TLE3: variants seen among roughly 807,000 people sequenced by gnomAD.
TLE3 encodes the protein TLE family member 3, transcriptional corepressor, also known as transducin-like enhancer protein 3.
Under a neutral mutation model 93.0 loss-of-function variants are expected in TLE3, and 14 were observed. The ratio of observed to expected loss-of-function variants is 0.15; its 90% CI spans 0.10 to 0.24. The LOEUF is 0.24. Among genes scored for constraint, TLE3 ranks in the 10% least tolerant of loss-of-function variants. The probability of loss-of-function intolerance (pLI) is 1.00; values close to 1 mark genes in which losing one functional copy is unlikely to be tolerated. For missense variants in TLE3, 693 were observed against 1,046.6 expected, an observed-to-expected ratio of 0.66 and a Z score of 4.66; for synonymous variants, 451 against 425.0, an observed-to-expected ratio of 1.06 and a Z score of -0.75.
intron 7 of TLE3, among the ~76,000 whole-genome samples, chr15:70,064,819 G>A (rs746420724): frequency 4.4e-4 from 67 of 151,152 alleles, no homozygotes; most frequent in Non-Finnish European, 8.1e-4. Context: ...CTCTTTAGCA[G>A]GCTAGGGGTC....
chr15:70,060,616 C>G lies in TLE3; in HGVS notation c.628G>C (p.Ala210Pro). Residue 210 changes from alanine to proline, a missense_variant, in exon 9 of 20, where the codon GCC becomes CCC. By Grantham distance (27) the Ala-to-Pro change is conservative (BLOSUM62 -1). Transcript: ENST00000451782. ...GCAGAGCCCCGGTGCTTCTCACTGG[C>G]CCGGAGGCTTTCCGAGGGTGACACA... is the stretch of plus-strand genomic sequence containing the variant. The part of the protein sequence containing the change: ...NSVSPSESLR[A>P]SEKHRGSADY... 6.2e-7 allele frequency: 1 copy of G among 1,613,956 alleles called. No individual in the cohort carries two copies. Among genetic ancestry groups the G allele is most frequent in the South Asian group, 1.1e-5 (1 of 91,084 alleles).
At chr15:70,071,233 T>C (rs1011516876) in intron 6 of TLE3, among the ~76,000 whole-genome samples, 3 of 152,174 alleles carry the variant, frequency 2.0e-5, no homozygotes, top group Non-Finnish European at 2.9e-5. Flanking sequence ...CTCCTGTTAA[T>C]TGGATCCAAG....
intron 6 of TLE3, among the ~76,000 whole-genome samples, chr15:70,069,907 C>T (rs1215956737): frequency 2.0e-5 from 3 of 152,258 alleles, no homozygotes; most frequent in African/African-American, 7.2e-5. Flanking sequence ...TGCAACACGT[C>T]TGCTGGCTTC....
At chr15:70,055,488 A>T in intron 14 of TLE3, 190 bp from the exon 15 acceptor site, 1 of 646,430 alleles carries the variant, frequency 1.5e-6, no homozygotes, top group South Asian at 3.6e-5. Context: ...TGATTAACAG[A>T]CCAGCTTTGA....
chr15:70,088,901 G>A (rs1435207181), intron 4 of TLE3, among the ~76,000 whole-genome samples: 6 of 107,934 alleles, frequency 5.6e-5, no homozygotes, highest in Admixed American at 1.6e-4. Flanking sequence ...CCCCCACCCC[G>A]CGGCAGATGG....
chr15:70,080,841 AC>A (rs1025050573), intron 4 of TLE3, among the ~76,000 whole-genome samples: 7 of 151,902 alleles, frequency 4.6e-5, no homozygotes, highest in African/African-American at 1.5e-4. Context: ...CTTGATCTGT[AC>A]CCCCCAGCAA....
Position 70,058,114 on chromosome 15 carries a change from C to T in TLE3, c.1051+45G>A. The T allele has an allele frequency of 6.2e-7, 1 of 1,613,156 alleles. No homozygotes were observed. ...TGCCCTGGCCAAGAGCAGACCCCCT[C>T]CCCCCAATCAGATTAACCCAGCCCA... On this transcript the variant is annotated intron_variant, in intron 12 of 19. Coordinates refer to ENST00000451782, the MANE Select transcript of TLE3 (RefSeq NM_001105192.3). This position sits in a 1 kb window ranked among gnomAD's most constrained non-coding sequence, Gnocchi z 4.1.
At chr15:70,074,121 TGGCCAAAGAA>T (rs1323721286) in intron 6 of TLE3, among the ~76,000 whole-genome samples, 3 of 152,228 alleles carry the variant, frequency 2.0e-5, no homozygotes, top group Non-Finnish European at 4.4e-5. Context: ...TGATCCCAGG[TGGCCAAAGAA>T]GGGCAGACTT....
chr15:70,056,506 A>G (rs1290623250), intron 13 of TLE3, 132 bp from the exon 14 acceptor site: 1 of 788,468 alleles, frequency 1.3e-6, no homozygotes, highest in East Asian at 2.5e-5. Flanking sequence ...CAAGCTGAGC[A>G]GAGCAGAGCC....
intron 4 of TLE3, among the ~76,000 whole-genome samples, chr15:70,077,834 T>C (rs73443982): frequency 0.011 from 1,684 of 152,326 alleles, 33 homozygotes; most frequent in South Asian, 0.072. Context: ...ACAATTCCTG[T>C]TATAAAGGAC....
At chr15:70,062,227 G>A (rs941438774) in intron 8 of TLE3, among the ~76,000 whole-genome samples, 2 of 152,216 alleles carry the variant, frequency 1.3e-5, no homozygotes, top group African/African-American at 2.4e-5. Context: ...GAGCGGTGGC[G>A]ATGCGCGCAC....
chr15:70,095,221 A>C (rs12441129), intron 3 of TLE3, among the ~76,000 whole-genome samples: 17,239 of 152,256 alleles, frequency 0.11, 1,078 homozygotes, highest in Non-Finnish European at 0.14. Flanking sequence ...GATTTTTACC[A>C]ACCCTAATTT....
chr15:70,071,367 T>G (rs2057148379), intron 6 of TLE3, among the ~76,000 whole-genome samples: 1 of 151,804 alleles, frequency 6.6e-6, no homozygotes, highest in African/African-American at 2.4e-5. Context: ...AGCAGGGGAG[T>G]GGGTAGGCTT....
intron 17 of TLE3, chr15:70,052,994 A>C: frequency 1.9e-6 from 1 of 520,746 alleles, no homozygotes; most frequent in Non-Finnish European, 3.4e-6. Context: ...CAATAGCAGC[A>C]GAGAATGAAT....
At position 70,055,080 on chromosome 15, in the gene TLE3, C is replaced by T; in HGVS notation, c.1547G>A (p.Ser516Asn). ...VKIWDISQPGSKSPISQLDCL... is the reference protein window; with the variant it reads ...VKIWDISQPGNKSPISQLDCL... ...GTCCAGCTGGGAGATGGGGCTCTTG[C>T]TGCCTGGCTGGCTGATGTCCCAGAT... is the stretch of plus-strand genomic sequence containing the variant. The change falls in exon 15 of 20, where the codon AGC becomes AAC. Residue 516 changes from serine (S) to asparagine (N), a missense_variant. By Grantham distance (46) the Ser-to-Asn change is conservative. This residue lies in a region of TLE3 where 153 missense variants were observed against 379.9 expected (regional missense o/e 0.40). Coordinates refer to ENST00000451782, the MANE Select transcript of TLE3 (RefSeq NM_001105192.3). 1 of 1,613,540 alleles carries T rather than the reference C, an allele frequency of 6.2e-7. No homozygotes were observed. Among genetic ancestry groups the T allele is most frequent in the South Asian group, 1.1e-5 (1 of 90,986 alleles).
At chr15:70,063,957 G>C (rs2056658406) in intron 8 of TLE3, among the ~76,000 whole-genome samples, 1 of 152,184 alleles carries the variant, frequency 6.6e-6, no homozygotes. Flanking sequence ...AAAAACCTTG[G>C]CCCTGAACAT....
chr15:70,063,453 A>G, intron 8 of TLE3, among the ~76,000 whole-genome samples: 1 of 152,184 alleles, frequency 6.6e-6, no homozygotes, highest in East Asian at 1.9e-4. Context: ...CGCCAGCCTC[A>G]CTGCTAATGG....
chr15:70,065,264 T>C (rs1193906227), intron 7 of TLE3, among the ~76,000 whole-genome samples: 1 of 152,238 alleles, frequency 6.6e-6, no homozygotes, highest in Non-Finnish European at 1.5e-5. Flanking sequence ...GCACCAATTT[T>C]TGAAAAGGGC....
intron 13 of TLE3, among the ~76,000 whole-genome samples, chr15:70,056,765 T>A (rs1240678648): frequency 6.6e-6 from 1 of 152,196 alleles, no homozygotes; most frequent in Non-Finnish European, 1.5e-5. Context: ...CTCTTCTTTT[T>A]ATTTTTATTT....
Sources: gnomAD v4.1 joint callset for allele counts (sites outside exome capture counted in the v4.1 genomes callset) on GRCh38, gnomAD v4.1.1 for gene constraint, gnomAD v4.1.1 regional missense constraint, Gnocchi (gnomAD v3.1) non-coding constraint, MANE v1.5 for transcripts, NCBI Gene and HGNC (gene_info 2026-07-23, HGNC 2026-07-21) for gene names.